RALYL: variants seen among roughly 807,000 people sequenced by gnomAD.
RALYL encodes the protein RNA-binding Raly-like protein.
RALYL carries 29 observed loss-of-function variants against 35.1 expected under a neutral mutation model. The observed-to-expected ratio is 0.83, with a 90% CI of 0.61 to 1.13. The LOEUF is 1.13. RALYL is among the 50% of genes most tolerant of loss of function. The pLI, the probability that RALYL is intolerant of heterozygous loss-of-function variation, is 0.00. For missense variants in RALYL, 359 were observed against 360.4 expected (o/e 1.00, Z 0.03); for synonymous variants, 120 against 127.6 (o/e 0.94, Z 0.40).
chr8:84,888,875 G>A (rs969487071), intron 8 of RALYL, among the ~76,000 whole-genome samples: 38 of 151,966 alleles, frequency 2.5e-4, no homozygotes, highest in African/African-American at 7.7e-4. Flanking sequence ...TCAGCCTCCC[G>A]AGTAGCTGGG....
At chr8:84,323,502 C>A (rs1250004850) in intron 1 of RALYL, among the ~76,000 whole-genome samples, 1 of 151,978 alleles carries the variant, frequency 6.6e-6, no homozygotes, top group Non-Finnish European at 1.5e-5. Context: ...TTCCTTTGAT[C>A]TCAGTATATG....
chr8:84,834,345 C>G (rs559797015), intron 4 of RALYL, among the ~76,000 whole-genome samples: 16 of 152,278 alleles, frequency 1.1e-4, no homozygotes, highest in Admixed American at 4.6e-4. Context: ...AAGAGAGCCT[C>G]TCTCCCCAGG....
intron 2 of RALYL, among the ~76,000 whole-genome samples, chr8:84,742,843 C>T (rs757662445): frequency 3.9e-5 from 6 of 152,032 alleles, no homozygotes; most frequent in South Asian, 2.1e-4. Flanking sequence ...TGTGCACATA[C>T]GGTTTAAATC....
chr8:84,368,683 G>A (rs1855051608), intron 1 of RALYL, among the ~76,000 whole-genome samples: 1 of 152,114 alleles, frequency 6.6e-6, no homozygotes, highest in Non-Finnish European at 1.5e-5. Context: ...CAGATCTTCT[G>A]AGACTTATTC....
At chr8:84,634,728 T>C (rs1824664902) in intron 2 of RALYL, among the ~76,000 whole-genome samples, 2 of 151,752 alleles carry the variant, frequency 1.3e-5, no homozygotes, top group South Asian at 2.1e-4. Flanking sequence ...GTCAGAAAGA[T>C]AGAAGAGAAG....
intron 2 of RALYL, among the ~76,000 whole-genome samples, chr8:84,769,905 T>G (rs1815021891): frequency 6.6e-6 from 1 of 152,174 alleles, no homozygotes; most frequent in Non-Finnish European, 1.5e-5. Context: ...TTTACAGCCA[T>G]GCTCTTACCA....
At chr8:84,204,961 T>G (rs892886706) in intron 1 of RALYL, among the ~76,000 whole-genome samples, 9 of 152,186 alleles carry the variant, frequency 5.9e-5, no homozygotes, top group African/African-American at 1.9e-4. Flanking sequence ...GGAGGCTCAC[T>G]GGGCCTATGC....
At chr8:84,582,672 G>T (rs550111530) in intron 2 of RALYL, among the ~76,000 whole-genome samples, 1 of 151,844 alleles carries the variant, frequency 6.6e-6, no homozygotes, top group East Asian at 1.9e-4. Flanking sequence ...AAGCAAAGCT[G>T]TTAGAAAGCA....
intron 2 of RALYL, among the ~76,000 whole-genome samples, chr8:84,671,240 TG>T (rs1206144567): frequency 6.6e-6 from 1 of 152,200 alleles, no homozygotes; most frequent in Non-Finnish European, 1.5e-5. Context: ...GCTCTGTCTC[TG>T]TGGCTTTGCG....
intron 1 of RALYL, among the ~76,000 whole-genome samples, chr8:84,266,911 G>A (rs1006036825): frequency 7.1e-6 from 1 of 140,964 alleles, no homozygotes; most frequent in Admixed American, 7.6e-5. Flanking sequence ...AGTGAGCCGA[G>A]ATCGCGCCAC....
At chr8:84,402,086 ATGGTAC>A (rs2042976578) in intron 1 of RALYL, among the ~76,000 whole-genome samples, 2 of 152,214 alleles carry the variant, frequency 1.3e-5, no homozygotes, top group South Asian at 4.1e-4. Context: ...ATTGAGAAAA[ATGGTAC>A]TGGCTTTTCC....
intron 1 of RALYL, among the ~76,000 whole-genome samples, chr8:84,468,961 C>T (rs2133618465): frequency 6.6e-6 from 1 of 151,582 alleles, no homozygotes; most frequent in African/African-American, 2.4e-5. Context: ...CTGCATTCTT[C>T]ACGTAGTTCT....
At chr8:84,367,318 ATTTTTTTTTTTTTTTTTTTTTT>A (rs56387511) in intron 1 of RALYL, among the ~76,000 whole-genome samples, 2,229 of 27,392 alleles carry the variant, frequency 0.081, 300 homozygotes, top group East Asian at 0.26. Flanking sequence ...TAATTTTTGT[ATTTTTTTTTTTTTTTTTTTTTT>A]TTTTTTTTTT....
At chr8:84,334,745 C>T (rs980483335) in intron 1 of RALYL, among the ~76,000 whole-genome samples, 2 of 151,924 alleles carry the variant, frequency 1.3e-5, no homozygotes, top group East Asian at 3.9e-4. Context: ...TTTATTTTAC[C>T]TTAGTCTGGA....
chr8:84,646,809 T>G (rs1334394311), intron 2 of RALYL, among the ~76,000 whole-genome samples: 1 of 152,118 alleles, frequency 6.6e-6, no homozygotes, highest in Middle Eastern at 3.2e-3. Flanking sequence ...TTGCCACTTC[T>G]GGCACCACTT....
chr8:84,229,135 T>C (rs995883041), intron 1 of RALYL, among the ~76,000 whole-genome samples: 3 of 152,210 alleles, frequency 2.0e-5, no homozygotes, highest in African/African-American at 4.8e-5. Flanking sequence ...TAAATGCATT[T>C]AGTCAATTAA....
chr8:84,321,298 A>G (rs1844758357), intron 1 of RALYL, among the ~76,000 whole-genome samples: 1 of 152,122 alleles, frequency 6.6e-6, no homozygotes, highest in African/African-American at 2.4e-5. Context: ...CTGAAAATCA[A>G]TGACATTTTT....
chr8:84,628,319 T>C (rs1184196945), intron 2 of RALYL, among the ~76,000 whole-genome samples: 1 of 152,108 alleles, frequency 6.6e-6, no homozygotes, highest in African/African-American at 2.4e-5. Flanking sequence ...GTTTCAGATT[T>C]AGTAACACCT....
At chr8:84,555,319 G>A (rs993788542) in intron 2 of RALYL, among the ~76,000 whole-genome samples, 94 of 151,808 alleles carry the variant, frequency 6.2e-4, no homozygotes, top group African/African-American at 2.1e-3. Flanking sequence ...ATATATGTTG[G>A]CTCCCACATG....
Sources: gnomAD v4.1 joint callset for allele counts (sites outside exome capture counted in the v4.1 genomes callset) on GRCh38, gnomAD v4.1.1 for gene constraint, MANE v1.5 for transcripts, NCBI Gene and HGNC (gene_info 2026-07-23, HGNC 2026-07-21) for gene names.